The following ATP6V0D1 variants were observed in gnomAD, a reference collection of about 807,000 sequenced individuals.
The protein encoded by ATP6V0D1 is V-type proton ATPase subunit d 1.
Under a neutral mutation model 39.0 loss-of-function variants are expected in ATP6V0D1, and 13 were observed. The observed-to-expected ratio is 0.33, with a 90% CI of 0.22 to 0.53. The LOEUF is 0.53. ATP6V0D1 is among the 20% of genes least tolerant of loss of function. The pLI, the probability that ATP6V0D1 is intolerant of heterozygous loss-of-function variation, is 0.94. For synonymous variants in ATP6V0D1, 191 were observed against 191.2 expected (o/e 1.00, Z 0.01); for missense variants, 272 against 470.9 (o/e 0.58, Z 3.91).
intron 1 of ATP6V0D1, among the ~76,000 whole-genome samples, chr16:67,464,086 T>A (rs2041310535): frequency 6.6e-6 from 1 of 152,146 alleles, no homozygotes; most frequent in Admixed American, 6.5e-5. Context: ...GCTGAACCCA[T>A]GACCTGGCAG....
intron 5 of ATP6V0D1, 36 bp downstream of exon 5, chr16:67,439,238 G>A (rs375131275): frequency 1.8e-5 from 29 of 1,614,002 alleles, no homozygotes; most frequent in East Asian, 1.6e-4. Flanking sequence ...CAGGGCTAGC[G>A]GGCACCAGCA....
intron 1 of ATP6V0D1, among the ~76,000 whole-genome samples, chr16:67,459,913 T>C (rs931870771): frequency 5.3e-5 from 8 of 152,232 alleles, no homozygotes; most frequent in African/African-American, 1.9e-4. Flanking sequence ...GGCTCCCCCA[T>C]GGCCTCATGG....
intron 2 of ATP6V0D1, among the ~76,000 whole-genome samples, chr16:67,451,460 G>C (rs536269379): frequency 6.6e-6 from 1 of 152,340 alleles, no homozygotes; most frequent in Admixed American, 6.5e-5. Flanking sequence ...TGGAGGGCCT[G>C]AAGGCTGTGG....
At chr16:67,469,254 G>A (rs1294360210) in intron 1 of ATP6V0D1, among the ~76,000 whole-genome samples, 1 of 152,176 alleles carries the variant, frequency 6.6e-6, no homozygotes, top group Non-Finnish European at 1.5e-5. Context: ...GTTGCAGTGA[G>A]CCGAGATTGC....
chr16:67,457,440 C>G, intron 1 of ATP6V0D1: 4 of 567,474 alleles, frequency 7.0e-6, no homozygotes, highest in Non-Finnish European at 1.1e-5. Context: ...TTTTCAGATA[C>G]AGACTCAGCT....
intron 1 of ATP6V0D1, among the ~76,000 whole-genome samples, chr16:67,478,579 A>G (rs2041435728): frequency 6.7e-6 from 1 of 149,088 alleles, no homozygotes; most frequent in African/African-American, 2.5e-5. Flanking sequence ...GCGCCACTGC[A>G]CTCCAGCCTG....
chr16:67,479,635 G>T (rs145287518), intron 1 of ATP6V0D1, among the ~76,000 whole-genome samples: 1 of 152,272 alleles, frequency 6.6e-6, no homozygotes, highest in East Asian at 1.9e-4. Context: ...AACAATAAAT[G>T]ACTTTTTCAT....
rs1237994923 is a variant in ATP6V0D1 at position 67,481,108 on chromosome 16, A to C, written c.-22T>G. On this transcript the variant is annotated 5_prime_UTR_variant, in exon 1 of 8. Coordinates refer to ENST00000290949, the MANE Select transcript of ATP6V0D1 (RefSeq NM_004691.5). ...ACATGGCTGCTGCGGGAGCGGCGGGACCGGAGAACCAGGACCGGCCGGCAC... is the reference window on the plus strand; with the variant it reads ...ACATGGCTGCTGCGGGAGCGGCGGGCCCGGAGAACCAGGACCGGCCGGCAC... 2.5e-6 allele frequency: 4 copies of C among 1,613,206 alleles called. No individual in the cohort carries two copies. The highest frequency in any genetic ancestry group is 3.4e-6 in the Non-Finnish European group (4 of 1,179,558).
rs749098179 is a variant in ATP6V0D1, at chr16:67,480,958, C to G, written c.129G>C (p.Glu43Asp). The G allele has an allele frequency of 6.2e-7, 1 of 1,614,050 alleles. No homozygotes were observed. The highest frequency in any genetic ancestry group is 1.1e-5 in the South Asian group (1 of 91,082). ...CCGCCTTTCGCGGCCCCGGCTCACC[C>G]TCTAGCGTCTCGCACTGCACCAGGT... ...YLNLVQCETL[E>D]DLKLHLQSTD... The change falls in exon 1 of 8, where the codon GAG (glutamate) becomes GAC (aspartate). Residue 43 changes from glutamate to aspartate, a missense_variant and splice_region_variant. Transcript: ENST00000290949.
chr16:67,459,325 C>T (rs1263779255), intron 1 of ATP6V0D1: 2 of 933,978 alleles, frequency 2.1e-6, no homozygotes, highest in Admixed American at 6.2e-5. Context: ...ACAGGCCGGC[C>T]CTGTCCACCC....
chr16:67,468,616 G>A (rs928986641), intron 1 of ATP6V0D1, among the ~76,000 whole-genome samples: 10 of 151,602 alleles, frequency 6.6e-5, no homozygotes, highest in African/African-American at 2.4e-4. Context: ...AAAAAAGAAG[G>A]AAGGAAAGAA....
intron 1 of ATP6V0D1, among the ~76,000 whole-genome samples, chr16:67,474,733 T>C (rs1048236137): frequency 6.6e-6 from 1 of 152,152 alleles, no homozygotes; most frequent in African/African-American, 2.4e-5. Flanking sequence ...CTATCTCAAT[T>C]TCCCAAGCTC....
chr16:67,468,598 A>AG (rs943124411), intron 1 of ATP6V0D1, among the ~76,000 whole-genome samples: 16 of 151,780 alleles, frequency 1.1e-4, no homozygotes, highest in African/African-American at 3.6e-4. Context: ...AAAAAGAAAA[A>AG]GAAAAAAAAA....
intron 1 of ATP6V0D1, chr16:67,454,650 C>G (rs1329048645): frequency 6.6e-6 from 1 of 152,042 alleles, no homozygotes; most frequent in African/African-American, 2.4e-5. Context: ...TGGCCTCAGC[C>G]TCCCAAGTGG....
Position 67,456,300 on chromosome 16 carries a change from T to A in ATP6V0D1, c.131-2585A>T, listed in dbSNP as rs1262115990. On this transcript the variant is annotated intron_variant, in intron 1 of 7. Transcript: ENST00000290949. The surrounding 1 kb of genome is among the most constrained non-coding windows in gnomAD (Gnocchi z 4.1). ...GCGTGAACCACGTGTGCAAGTCTTT[T>A]TAAGAGAAACATGGTTTATTTGTAC... 1 of 152,222 alleles carries A rather than the reference T, an allele frequency of 6.6e-6. No individual in the cohort carries two copies. Among genetic ancestry groups the A allele is most frequent in the Non-Finnish European group, 1.5e-5 (1 of 68,030 alleles). 9.4% of individuals were successfully genotyped at this position (152,222 alleles called of 1,614,324 possible). A position where few individuals can be genotyped will look rare whatever the true frequency, so the allele number is the denominator to read the frequency against.
chr16:67,445,321 G>A (rs2041102992), intron 2 of ATP6V0D1, among the ~76,000 whole-genome samples: 1 of 152,194 alleles, frequency 6.6e-6, no homozygotes, highest in Non-Finnish European at 1.5e-5. Flanking sequence ...TGAGCAGGGT[G>A]TAAGCAGGGG....
intron 1 of ATP6V0D1, among the ~76,000 whole-genome samples, chr16:67,471,418 G>A (rs1430847373): frequency 6.6e-6 from 1 of 152,062 alleles, no homozygotes; most frequent in Non-Finnish European, 1.5e-5. Context: ...TTGAACTCCT[G>A]ACCTCAAGCG....
chr16:67,442,966 C>T, intron 4 of ATP6V0D1, 133 bp downstream of exon 4: 1 of 914,484 alleles, frequency 1.1e-6, no homozygotes, highest in South Asian at 1.5e-5. Context: ...AGAGAATAAG[C>T]AGTAAGTCCC....
At chr16:67,479,282 T>G (rs943698375) in intron 1 of ATP6V0D1, among the ~76,000 whole-genome samples, 3 of 151,790 alleles carry the variant, frequency 2.0e-5, no homozygotes, top group Admixed American at 2.0e-4. Flanking sequence ...GGTGCAGTCT[T>G]GGCTCACTGC....
Sources: allele counts gnomAD v4.1 joint callset (sites outside exome capture counted in the v4.1 genomes callset), GRCh38; gene constraint gnomAD v4.1.1; non-coding constraint Gnocchi (gnomAD v3.1); transcripts MANE v1.5; gene names NCBI Gene and HGNC (gene_info 2026-07-23, HGNC 2026-07-21).